The following EEIG1 variants were observed in gnomAD, a reference collection of about 807,000 sequenced individuals.
EEIG1 encodes the protein early estrogen-induced gene 1 protein.
chr9:127,945,825 AC>A, the EEIG1 span: 3 of 1,047,298 alleles, frequency 2.9e-6, no homozygotes, highest in South Asian at 2.8e-5. The surrounding 1 kb of genome is among the most constrained non-coding windows in gnomAD (Gnocchi z 6.5). Flanking sequence ...GCCCTTCACA[AC>A]GTGCCCTCAC....
the EEIG1 span, among the ~76,000 whole-genome samples, chr9:127,971,905 G>C: frequency 6.6e-6 from 1 of 152,192 alleles, no homozygotes; most frequent in Non-Finnish European, 1.5e-5. Context: ...GCAACTACAG[G>C]GAACAAAGGC....
At chr9:127,949,012 T>A in the EEIG1 span, among the ~76,000 whole-genome samples, 1 of 152,020 alleles carries the variant, frequency 6.6e-6, no homozygotes, top group Non-Finnish European at 1.5e-5. Flanking sequence ...TATGAAAGGG[T>A]GACCACTCCG....
At chr9:127,977,384 G>T in the EEIG1 span, among the ~76,000 whole-genome samples, 2 of 152,248 alleles carry the variant, frequency 1.3e-5, no homozygotes, top group African/African-American at 2.4e-5. Flanking sequence ...GGGGAAGCAG[G>T]TTTGGGCAAT....
chr9:127,954,024 CG>C, the EEIG1 span: 1 of 1,421,006 alleles, frequency 7.0e-7, no homozygotes. Flanking sequence ...GGGACTGAGG[CG>C]GTGGGAAGCT....
At chr9:127,971,817 C>A in the EEIG1 span, among the ~76,000 whole-genome samples, 1 of 152,188 alleles carries the variant, frequency 6.6e-6, no homozygotes, top group South Asian at 2.1e-4. Context: ...GCCAGGGAGG[C>A]TTCCTGGAGG....
chr9:127,953,866 A>T, the EEIG1 span: 4 of 1,613,996 alleles, frequency 2.5e-6, no homozygotes, highest in South Asian at 4.4e-5. Context: ...GTTAGCACTC[A>T]TCTTACACAC....
At chr9:127,953,126 T>G in the EEIG1 span, 2 of 167,526 alleles carry the variant, frequency 1.2e-5, no homozygotes, top group Middle Eastern at 3.2e-3. Context: ...CAAGACTCTG[T>G]CTCCAGAGGA....
chr9:127,953,970 G>A, the EEIG1 span: 6 of 1,608,616 alleles, frequency 3.7e-6, no homozygotes, highest in Non-Finnish European at 4.2e-6. Flanking sequence ...ACACATCCGC[G>A]CCAGGGGACT....
At chr9:127,980,055 T>C in the EEIG1 span, 1 of 1,613,688 alleles carries the variant, frequency 6.2e-7, no homozygotes, top group Admixed American at 1.7e-5. Context: ...GAGGACCCCG[T>C]TCACGAAGGG....
the EEIG1 span, among the ~76,000 whole-genome samples, chr9:127,980,687 G>A: frequency 1.3e-5 from 2 of 150,244 alleles, no homozygotes; most frequent in South Asian, 2.1e-4. Context: ...GGAAGGTGGG[G>A]CACCCCCAGG....
chr9:127,968,972 C>T, the EEIG1 span, among the ~76,000 whole-genome samples: 1 of 152,226 alleles, frequency 6.6e-6, no homozygotes, highest in East Asian at 1.9e-4. Flanking sequence ...CACATATGTA[C>T]TGAGCACTTA....
the EEIG1 span, chr9:127,950,493 G>A: frequency 1.2e-6 from 2 of 1,614,050 alleles, no homozygotes; most frequent in South Asian, 1.1e-5. Flanking sequence ...GCGCACCGTG[G>A]AGCCCGAGCC....
chr9:127,979,874 A>G, the EEIG1 span: 19 of 1,280,804 alleles, frequency 1.5e-5, no homozygotes, highest in South Asian at 1.9e-4. Flanking sequence ...TGCCCCAGGC[A>G]CACAGAATCC....
the EEIG1 span, among the ~76,000 whole-genome samples, chr9:127,964,104 TG>T: frequency 1.3e-5 from 2 of 151,230 alleles, no homozygotes; most frequent in Admixed American, 6.6e-5. Context: ...AGCCGGGGGG[TG>T]GATGAGGCTG....
At chr9:127,975,373 C>T in the EEIG1 span, among the ~76,000 whole-genome samples, 4 of 152,178 alleles carry the variant, frequency 2.6e-5, no homozygotes, top group African/African-American at 9.7e-5. Flanking sequence ...TTCAAGCCTA[C>T]CAAAGAAGAA....
At chr9:127,970,795 C>CGCCCTTGCCGTGCCTCT in the EEIG1 span, among the ~76,000 whole-genome samples, 116,717 of 151,394 alleles carry the variant, frequency 0.77, 46,383 homozygotes, top group Non-Finnish European at 0.87. Context: ...TCAGCACGCT[C>CGCCCTTGCCGTGCCTCT]GCCCTTGCCG....
At chr9:127,943,011 T>C in the EEIG1 span, 1 of 648,166 alleles carries the variant, frequency 1.5e-6, no homozygotes, top group Non-Finnish European at 2.8e-6. Flanking sequence ...GCCAGGAGGG[T>C]CCCAGCATGG....
the EEIG1 span, among the ~76,000 whole-genome samples, chr9:127,969,943 G>C: frequency 6.6e-6 from 1 of 152,084 alleles, no homozygotes; most frequent in Non-Finnish European, 1.5e-5. Flanking sequence ...CTGGCACAGA[G>C]ACGTGCAGAA....
chr9:127,979,322 A>G, the EEIG1 span, among the ~76,000 whole-genome samples: 1 of 152,214 alleles, frequency 6.6e-6, no homozygotes, highest in Non-Finnish European at 1.5e-5. Flanking sequence ...TTGGCAAGGG[A>G]CAGCCTGGGA....
Sources: gnomAD v4.1 joint callset for allele counts (sites outside exome capture counted in the v4.1 genomes callset) on GRCh38, gnomAD v4.1.1 for gene constraint, Gnocchi (gnomAD v3.1) non-coding constraint, MANE v1.5 for transcripts, NCBI Gene and HGNC (gene_info 2026-07-23, HGNC 2026-07-21) for gene names.